The following USP48 variants were observed in gnomAD, a reference collection of about 807,000 sequenced individuals.
USP48 encodes the protein ubiquitin carboxyl-terminal hydrolase 48.
USP48 carries 43 observed loss-of-function variants against 150.7 expected under a neutral mutation model. The ratio of observed to expected loss-of-function variants is 0.29; its 90% CI spans 0.22 to 0.37. The LOEUF (loss-of-function observed/expected upper bound fraction) is 0.37. Among genes scored for constraint, USP48 ranks in the 10% least tolerant of loss-of-function variants. The pLI, the probability that USP48 is intolerant of heterozygous loss-of-function variation, is 1.00. For missense variants in USP48, 813 were observed against 1,249.6 expected (o/e 0.65, Z 5.27); for synonymous variants, 396 against 425.9 (o/e 0.93, Z 0.86).
chr1:21,753,157 G>A (rs376937238), intron 3 of USP48, 38 bp from the exon 4 acceptor site: 4 of 1,573,644 alleles, frequency 2.5e-6, no homozygotes, highest in Non-Finnish European at 3.4e-6. Flanking sequence ...GTTTTTTAAG[G>A]TGCTACTTTT....
At chr1:21,719,255 CT>C (rs2097713088) in intron 14 of USP48, among the ~76,000 whole-genome samples, 1 of 146,250 alleles carries the variant, frequency 6.8e-6, no homozygotes, top group South Asian at 2.1e-4. Flanking sequence ...GCACTCCAGC[CT>C]GGGGGACAGA....
In USP48 at chr1:21,728,668, C is replaced by G; in HGVS notation, c.1352G>C (p.Cys451Ser). Residue 451 changes from cysteine to serine, a missense_variant, in exon 11 of 27, where the codon TGT becomes TCT. Physicochemically the swap from Cys to Ser is moderately radical, Grantham distance 112 (BLOSUM62 -1). Transcript: ENST00000308271. ...CTTACGCATCTCAGCCATTTCAATA[C>G]ACCACTCCTCAAATTTGGAATTATC... ...DRDNSKFEEW[C>S]IEMAEMRKQS... 1 of 1,614,208 alleles carries G rather than the reference C, an allele frequency of 6.2e-7. No individual in the cohort carries two copies. Among genetic ancestry groups the G allele is most frequent in the Non-Finnish European group, 8.5e-7 (1 of 1,180,036 alleles).
At chr1:21,746,016 T>G (rs1164255435) in intron 8 of USP48, among the ~76,000 whole-genome samples, 4 of 152,186 alleles carry the variant, frequency 2.6e-5, no homozygotes, top group Admixed American at 1.3e-4. Context: ...AAAGCTTACA[T>G]ATTTATTTAG....
Position 21,717,727 on chromosome 1 carries a change from G to T in USP48, c.1895-2270C>A, listed in dbSNP as rs115346658. On this transcript the variant is annotated intron_variant, in intron 14 of 26. Transcript: ENST00000308271. ...AATCCCAGCACTTTGGAGGGCTGAG[G>T]TGGGCAGATTAAGGTCTGGAGTTCA... 8.9e-3 allele frequency among the ~76,000 whole-genome samples: 1,358 copies of T among 152,258 alleles called. 19 individuals are homozygous for T. The highest frequency in any genetic ancestry group is 0.031 in the African/African-American group (1,284 of 41,550).
intron 26 of USP48, among the ~76,000 whole-genome samples, chr1:21,680,015 C>T (rs369802874): frequency 4.6e-5 from 7 of 152,216 alleles, no homozygotes; most frequent in African/African-American, 7.2e-5. Flanking sequence ...TTCATAAAGA[C>T]GTTTTTTGCT....
At chr1:21,748,375 A>AC in intron 6 of USP48, 104 bp from the exon 7 acceptor site, 1 of 1,055,382 alleles carries the variant, frequency 9.5e-7, no homozygotes, top group Non-Finnish European at 1.3e-6. Flanking sequence ...AATAGCTCTC[A>AC]CTTAAGCTAC....
chr1:21,699,098 C>T (rs2097646690), intron 22 of USP48, among the ~76,000 whole-genome samples: 1 of 151,668 alleles, frequency 6.6e-6, no homozygotes. Flanking sequence ...GGCACAATCT[C>T]GGCTCACTGC....
chr1:21,681,537 C>T (rs1159812142), intron 25 of USP48, among the ~76,000 whole-genome samples: 2 of 152,166 alleles, frequency 1.3e-5, no homozygotes, highest in African/African-American at 4.8e-5. Context: ...GATGGGATTA[C>T]AGGAGTGGGC....
intron 1 of USP48, among the ~76,000 whole-genome samples, chr1:21,772,501 T>C (rs914489173): frequency 6.6e-6 from 1 of 151,774 alleles, no homozygotes; most frequent in Non-Finnish European, 1.5e-5. Flanking sequence ...CGGGCGCCTG[T>C]AGTCCCAGCT....
intron 18 of USP48, 99 bp from the exon 19 acceptor site, chr1:21,705,936 A>T: frequency 8.9e-7 from 1 of 1,127,150 alleles, no homozygotes. Flanking sequence ...TATATTTAAG[A>T]AAATATTAGT....
Position 21,765,709 on chromosome 1 carries a change from T to C in USP48, c.135-7926A>G, listed in dbSNP as rs143325147. Among the ~76,000 whole-genome samples the C allele has an allele frequency of 5.6e-3, 854 of 151,520 alleles. 6 individuals are homozygous for C. The highest frequency in any genetic ancestry group is 0.019 in the African/African-American group (799 of 41,242). On this transcript the variant is annotated intron_variant, in intron 1 of 26. Transcript: ENST00000308271. ...GAGACATAACTAACAATTTTTCTAGTGGAAGATGAGGTCTTAAAAAGCCAA... is the reference window on the plus strand; with the variant it reads ...GAGACATAACTAACAATTTTTCTAGCGGAAGATGAGGTCTTAAAAAGCCAA...
intron 9 of USP48, among the ~76,000 whole-genome samples, chr1:21,730,314 G>C (rs868805207): frequency 6.6e-6 from 1 of 151,930 alleles, no homozygotes; most frequent in African/African-American, 2.4e-5. Flanking sequence ...GTGGTGGTGC[G>C]CACCTGCAGT....
chr1:21,751,420 T>C, intron 6 of USP48, 87 bp downstream of exon 6: 1 of 992,388 alleles, frequency 1.0e-6, no homozygotes, highest in Non-Finnish European at 1.6e-6. Flanking sequence ...ATAAAAGCTC[T>C]AGCCACTAAA....
chr1:21,730,039 T>C (rs776951937), intron 9 of USP48, among the ~76,000 whole-genome samples: 14 of 152,344 alleles, frequency 9.2e-5, no homozygotes, highest in South Asian at 2.1e-4. Flanking sequence ...CCACATTCTA[T>C]TTTTTAAAGG....
chr1:21,776,725 G>C (rs981562846), intron 1 of USP48, among the ~76,000 whole-genome samples: 10 of 152,088 alleles, frequency 6.6e-5, no homozygotes, highest in African/African-American at 2.4e-4. Context: ...AGGCCAAGGC[G>C]GGGGGATCAC....
chr1:21,681,724 A>G (rs747625016), intron 25 of USP48, among the ~76,000 whole-genome samples: 1 of 152,182 alleles, frequency 6.6e-6, no homozygotes. Context: ...TTACGCCATT[A>G]ATACTAGTCA....
intron 13 of USP48, 106 bp from the exon 14 acceptor site, chr1:21,721,272 C>A: frequency 6.9e-7 from 1 of 1,442,664 alleles, no homozygotes; most frequent in South Asian, 1.3e-5. Flanking sequence ...CACTCAACAT[C>A]AGCTACTGTA....
Position 21,748,127 on chromosome 1 carries a change from C to T in USP48, c.908+11G>A, listed in dbSNP as rs748848575. 1 of 1,609,484 alleles carries T rather than the reference C, an allele frequency of 6.2e-7. No individual in the cohort carries two copies. The highest frequency in any genetic ancestry group is 2.2e-5 in the East Asian group (1 of 44,738). ...AATGAACAACAAACACTAATATTTG[C>T]ACACATTTACCTGTCAAAGACAAAA... On this transcript the variant is annotated intron_variant, in intron 7 of 26. Coordinates refer to ENST00000308271, the MANE Select transcript of USP48 (RefSeq NM_032236.8).
chr1:21,714,194 C>T (rs1274588005), intron 15 of USP48, among the ~76,000 whole-genome samples: 1 of 152,148 alleles, frequency 6.6e-6, no homozygotes, highest in African/African-American at 2.4e-5. Flanking sequence ...CAATAAATTA[C>T]CACATAACAA....
Sources: gnomAD v4.1 joint callset for allele counts (sites outside exome capture counted in the v4.1 genomes callset) on GRCh38, gnomAD v4.1.1 for gene constraint, MANE v1.5 for transcripts, NCBI Gene and HGNC (gene_info 2026-07-23, HGNC 2026-07-21) for gene names.